RAP1A: variants seen among roughly 807,000 people sequenced by gnomAD.
The protein encoded by RAP1A is RAP1A, member of RAS oncogene family, also known as ras-related protein Rap-1A.
RAP1A carries 6 observed loss-of-function variants against 26.4 expected under a neutral mutation model. The ratio of observed to expected loss-of-function variants is 0.23; its 90% CI spans 0.12 to 0.45. The LOEUF (loss-of-function observed/expected upper bound fraction) is 0.45. Ranked by LOEUF, RAP1A falls within the 20% of genes least tolerant of loss-of-function variation. RAP1A has a pLI of 0.99. For missense variants in RAP1A, 121 were observed against 217.2 expected, an observed-to-expected ratio of 0.56 and a Z score of 2.78; for synonymous variants, 73 against 79.4, an observed-to-expected ratio of 0.92 and a Z score of 0.43.
intron 1 of RAP1A, among the ~76,000 whole-genome samples, chr1:111,653,683 C>CA (rs71099925): frequency 0.014 from 910 of 65,610 alleles, 61 homozygotes; most frequent in African/African-American, 0.032. Flanking sequence ...AACTCTGTCT[C>CA]AAAAAAAAAA....
intron 1 of RAP1A, among the ~76,000 whole-genome samples, chr1:111,603,385 G>A (rs924810211): frequency 5.9e-5 from 9 of 152,102 alleles, no homozygotes; most frequent in Admixed American, 1.3e-4. Flanking sequence ...CGCCCAACCT[G>A]TCATCACTAT....
chr1:111,563,957 C>G, intron 1 of RAP1A: 7 of 1,610,670 alleles, frequency 4.3e-6, no homozygotes, highest in Non-Finnish European at 5.9e-6. Flanking sequence ...TTCCATTGGT[C>G]CAACTGGTGG....
intron 1 of RAP1A, among the ~76,000 whole-genome samples, chr1:111,627,921 TCTGA>T (rs1230022402): frequency 6.6e-6 from 1 of 150,632 alleles, no homozygotes; most frequent in East Asian, 1.9e-4. Context: ...GTCACATGGT[TCTGA>T]CTTTGAAAAA....
intron 3 of RAP1A, among the ~76,000 whole-genome samples, chr1:111,696,108 GA>G (rs1183010612): frequency 2.6e-5 from 4 of 151,772 alleles, no homozygotes; most frequent in African/African-American, 9.7e-5. Context: ...ATTTAAAAGG[GA>G]AAAAAAATTA....
chr1:111,688,327 T>C (rs549210622), intron 1 of RAP1A, among the ~76,000 whole-genome samples: 22 of 148,234 alleles, frequency 1.5e-4, no homozygotes, highest in South Asian at 8.4e-4. Context: ...TTCTTTCTTT[T>C]TTTTTTTTTT....
chr1:111,677,782 G>A (rs796822689), intron 1 of RAP1A, among the ~76,000 whole-genome samples: 18 of 152,140 alleles, frequency 1.2e-4, no homozygotes, highest in Admixed American at 3.3e-4. Flanking sequence ...AGCTTCTGCC[G>A]TATCGTATTG....
At chr1:111,563,133 G>A (rs777382867) in intron 1 of RAP1A, among the ~76,000 whole-genome samples, 27 of 152,128 alleles carry the variant, frequency 1.8e-4, no homozygotes, top group Non-Finnish European at 2.8e-4. Flanking sequence ...ACTGAGGCTG[G>A]GCACAGTGGC....
chr1:111,574,756 G>A (rs1658112476), intron 1 of RAP1A, among the ~76,000 whole-genome samples: 1 of 152,212 alleles, frequency 6.6e-6, no homozygotes, highest in Admixed American at 6.5e-5. Flanking sequence ...GTAAATAGTT[G>A]GAACTGACCT....
intron 1 of RAP1A, among the ~76,000 whole-genome samples, chr1:111,566,866 G>GTTT (rs56397519): frequency 1.5e-5 from 2 of 137,244 alleles, no homozygotes; most frequent in African/African-American, 2.7e-5. Context: ...TGGTGGTTGG[G>GTTT]TTTTTTTTTT....
intron 1 of RAP1A, among the ~76,000 whole-genome samples, chr1:111,613,420 C>G (rs1266107739): frequency 6.6e-6 from 1 of 152,070 alleles, no homozygotes; most frequent in Non-Finnish European, 1.5e-5. Flanking sequence ...AGGATGGTCT[C>G]GATCTCCTGA....
intron 7 of RAP1A, among the ~76,000 whole-genome samples, chr1:111,711,591 C>T (rs975836291): frequency 2.0e-5 from 3 of 152,114 alleles, no homozygotes; most frequent in African/African-American, 7.2e-5. Context: ...TTTGATAATA[C>T]CAAATAATAG....
rs1197313721 is a variant in RAP1A, at chr1:111,714,669, G to A, written c.*2268G>A. The A allele has an allele frequency of 6.6e-6, 1 of 152,238 alleles. No individual in the cohort carries two copies. Among genetic ancestry groups the A allele is most frequent in the African/African-American group, 2.4e-5 (1 of 41,460 alleles). 9.4% of individuals were successfully genotyped at this position (152,238 alleles called of 1,614,324 possible). A position where few individuals can be genotyped will look rare whatever the true frequency, so the allele number is the denominator to read the frequency against. ...GACCAGCTGAAGTCAGATGTGCAAG[G>A]AAATCTGTGGTTGCTGAGCAGGATG... On this transcript the variant is annotated 3_prime_UTR_variant, in exon 8 of 8. Transcript: ENST00000369709.
At chr1:111,607,938 C>T (rs1430675192) in intron 1 of RAP1A, among the ~76,000 whole-genome samples, 1 of 133,464 alleles carries the variant, frequency 7.5e-6, no homozygotes, top group African/African-American at 2.9e-5. Context: ...CCAGTAGAGG[C>T]GGCAGGGCAG....
intron 1 of RAP1A, among the ~76,000 whole-genome samples, chr1:111,647,359 A>G (rs1660103413): frequency 6.6e-6 from 1 of 152,160 alleles, no homozygotes; most frequent in Non-Finnish European, 1.5e-5. Context: ...GAGCTGTATA[A>G]TTGTTTCATA....
intron 1 of RAP1A, among the ~76,000 whole-genome samples, chr1:111,567,326 G>A (rs1657943050): frequency 6.6e-6 from 1 of 152,150 alleles, no homozygotes; most frequent in Non-Finnish European, 1.5e-5. Flanking sequence ...TTAAACACTA[G>A]GTAGAAAATA....
At chr1:111,683,376 C>T (rs944395486) in intron 1 of RAP1A, among the ~76,000 whole-genome samples, 15 of 151,940 alleles carry the variant, frequency 9.9e-5, no homozygotes, top group Admixed American at 1.3e-4. Flanking sequence ...TCAATGAATC[C>T]AGGAGCTGGT....
Position 111,652,718 on chromosome 1 carries a change from A to G in RAP1A, c.-28+32784A>G, listed in dbSNP as rs564643537. 9.2e-5 allele frequency among the ~76,000 whole-genome samples: 14 copies of G among 152,232 alleles called. 1 individual carries two copies. The highest frequency in any genetic ancestry group is 8.8e-5 in the Non-Finnish European group (6 of 68,000). Reference sequence around the variant, plus strand: ...TAATTTAGGGGAAAAAAGGACAATAACAAGTGTTGGCCAGGATGTAGAGAG... The same window carrying G: ...TAATTTAGGGGAAAAAAGGACAATAGCAAGTGTTGGCCAGGATGTAGAGAG... On this transcript the variant is annotated intron_variant, in intron 1 of 7. Transcript: ENST00000369709.
intron 1 of RAP1A, among the ~76,000 whole-genome samples, chr1:111,627,168 A>G (rs993607812): frequency 4.6e-5 from 7 of 152,198 alleles, no homozygotes; most frequent in African/African-American, 1.7e-4. Context: ...GTAAAGAATA[A>G]ATTGAAAACA....
chr1:111,698,466 G>A (rs750697383), intron 4 of RAP1A, among the ~76,000 whole-genome samples: 5 of 152,008 alleles, frequency 3.3e-5, no homozygotes, highest in African/African-American at 4.8e-5. Context: ...AGGTGGTTTC[G>A]CTGTGTTGCC....
Sources: gnomAD v4.1 joint callset for allele counts (sites outside exome capture counted in the v4.1 genomes callset) on GRCh38, gnomAD v4.1.1 for gene constraint, MANE v1.5 for transcripts, NCBI Gene and HGNC (gene_info 2026-07-23, HGNC 2026-07-21) for gene names.